The following ESRRB variants were observed in gnomAD, a reference collection of about 807,000 sequenced individuals.
ESRRB encodes the protein estrogen related receptor beta.
In ESRRB, 16 loss-of-function variants were observed where a neutral mutation model predicts 46.0. The ratio of observed to expected loss-of-function variants is 0.35; its 90% confidence interval spans 0.24 to 0.53. The LOEUF (loss-of-function observed/expected upper bound fraction) is 0.53. Among genes scored for constraint, ESRRB ranks in the 20% least tolerant of loss-of-function variants. The pLI is 0.93. For synonymous variants in ESRRB, 246 were observed against 259.6 expected (o/e 0.95, Z 0.50); for missense variants, 488 against 607.4 (o/e 0.80, Z 2.07).
intron 2 of ESRRB, among the ~76,000 whole-genome samples, chr14:76,456,038 GCA>G (rs60824171): frequency 0.13 from 17,543 of 136,974 alleles, 1,026 homozygotes; most frequent in South Asian, 0.14. Context: ...AGCGAAACTC[GCA>G]CACACACACA....
At chr14:76,493,827 C>A (rs1471258262) in intron 6 of ESRRB, among the ~76,000 whole-genome samples, 1 of 152,234 alleles carries the variant, frequency 6.6e-6, no homozygotes, top group Non-Finnish European at 1.5e-5. Flanking sequence ...CCCCTAGCTG[C>A]TAACAGTTCA....
At chr14:76,379,483 A>G (rs569704381) in intron 1 of ESRRB, among the ~76,000 whole-genome samples, 1 of 152,330 alleles carries the variant, frequency 6.6e-6, no homozygotes, top group African/African-American at 2.4e-5. Context: ...CCCGGAGAAA[A>G]ACAAAGGGGG....
intron 1 of ESRRB, among the ~76,000 whole-genome samples, chr14:76,348,698 T>A (rs912238594): frequency 6.6e-6 from 1 of 152,222 alleles, no homozygotes; most frequent in East Asian, 1.9e-4. Context: ...CATATTTTAT[T>A]TATTTCCTTT....
At chr14:76,434,600 C>T (rs1247208691) in intron 1 of ESRRB, among the ~76,000 whole-genome samples, 2 of 150,392 alleles carry the variant, frequency 1.3e-5, no homozygotes, top group Non-Finnish European at 2.9e-5. Context: ...GCAGAGGTTG[C>T]AGTGAGCCAA....
In ESRRB at chr14:76,499,137, C is replaced by A; in HGVS notation, c.*679C>A. On this transcript the variant is annotated 3_prime_UTR_variant, in exon 7 of 7. Coordinates refer to ENST00000644823, the MANE Select transcript of ESRRB (RefSeq NM_001379180.1). ...ACCGCGCCGGTGTCCACCTGTCCTCCTCCTCTTCTCCTCCCCCCGGGAGTC... is the reference window on the plus strand; with the variant it reads ...ACCGCGCCGGTGTCCACCTGTCCTCATCCTCTTCTCCTCCCCCCGGGAGTC... 1 of 317,308 alleles carries A rather than the reference C, an allele frequency of 3.2e-6. No individual in the cohort carries two copies. Among genetic ancestry groups the A allele is most frequent in the Non-Finnish European group, 6.1e-6 (1 of 163,334 alleles). The allele number at this position is 317,308 out of a possible 1,614,324, so 19.7% of individuals were successfully genotyped here.
chr14:76,314,568 T>G (rs79656545), intron 1 of ESRRB, among the ~76,000 whole-genome samples: 20,410 of 152,024 alleles, frequency 0.13, 1,624 homozygotes, highest in African/African-American at 0.22. Flanking sequence ...CCAATTAACA[T>G]CTCCACAGGA....
intron 1 of ESRRB, among the ~76,000 whole-genome samples, chr14:76,419,971 G>C (rs1886871962): frequency 6.6e-6 from 1 of 152,166 alleles, no homozygotes; most frequent in African/African-American, 2.4e-5. Context: ...CTGGGGTTCG[G>C]CTAGGGGTCT....
At chr14:76,314,367 G>A (rs1260801918) in intron 1 of ESRRB, among the ~76,000 whole-genome samples, 1 of 152,154 alleles carries the variant, frequency 6.6e-6, no homozygotes, top group Non-Finnish European at 1.5e-5. Context: ...TGGAGGGGCT[G>A]TGTGCCTTCA....
At chr14:76,371,004 G>C (rs777990284), upstream of ESRRB, among the ~76,000 whole-genome samples, 1 of 152,178 alleles carries the variant, frequency 6.6e-6, no homozygotes, top group Non-Finnish European at 1.5e-5. Flanking sequence ...TTCAGATAAC[G>C]AAATGGATGA....
At chr14:76,406,650 C>T (rs1337950204) in intron 1 of ESRRB, among the ~76,000 whole-genome samples, 1 of 152,156 alleles carries the variant, frequency 6.6e-6, no homozygotes, top group Non-Finnish European at 1.5e-5. Flanking sequence ...GAGGCTGAAG[C>T]AGGAGAATTG....
At chr14:76,461,309 T>C (rs1888849338) in intron 2 of ESRRB, among the ~76,000 whole-genome samples, 1 of 152,144 alleles carries the variant, frequency 6.6e-6, no homozygotes, top group Non-Finnish European at 1.5e-5. Context: ...GGAATTGCTA[T>C]TGGGAGGGGA....
intron 1 of ESRRB, among the ~76,000 whole-genome samples, chr14:76,413,634 G>A (rs765222458): frequency 6.6e-6 from 1 of 152,114 alleles, no homozygotes; most frequent in African/African-American, 2.4e-5. Context: ...ATCCTTCATT[G>A]TCCAGTGACT....
chr14:76,339,636 G>A (rs1404579823), intron 1 of ESRRB, among the ~76,000 whole-genome samples: 1 of 152,140 alleles, frequency 6.6e-6, no homozygotes, highest in Non-Finnish European at 1.5e-5. Context: ...CAATTCTCTG[G>A]ACAGAGAAAG....
chr14:76,312,879 AAAATGCCTTTTAGTACAAGAAC>A (rs1883755422), intron 1 of ESRRB, among the ~76,000 whole-genome samples: 1 of 152,132 alleles, frequency 6.6e-6, no homozygotes, highest in Admixed American at 6.6e-5. Context: ...GTGGCTTTTA[AAAATGCCTTTTAGTACAAGAAC>A]AAATTCTACC....
intron 1 of ESRRB, among the ~76,000 whole-genome samples, chr14:76,342,417 A>G (rs912740145): frequency 1.3e-5 from 2 of 152,200 alleles, no homozygotes; most frequent in African/African-American, 4.8e-5. Context: ...AAGCCCACTG[A>G]GCCCTCAGAC....
chr14:76,452,516 A>T (rs1297061456), intron 2 of ESRRB, among the ~76,000 whole-genome samples: 1 of 151,382 alleles, frequency 6.6e-6, no homozygotes, highest in African/African-American at 2.4e-5. Context: ...GCTACTTGGG[A>T]GGCTGAGGCT....
rs1247435342 is a variant in ESRRB at position 76,469,950 on chromosome 14, T to C, written c.577+7289T>C. Reference sequence around the variant, plus strand: ...TGTTGTTTTTTTTTTTTTTCTTTTTTTTTTTTTTTTTTTTTGAGACAGAGT... The same window carrying C: ...TGTTGTTTTTTTTTTTTTTCTTTTTCTTTTTTTTTTTTTTTGAGACAGAGT... On this transcript the variant is annotated intron_variant, in intron 3 of 6. Transcript: ENST00000644823. 3.9e-4 allele frequency among the ~76,000 whole-genome samples: 52 copies of C among 132,892 alleles called. No individual in the cohort carries two copies. In the East Asian group the frequency reaches 4.1e-3, roughly 11 times the overall value. The allele number at this position is 132,892 out of a possible 152,430, so 87.2% of individuals were successfully genotyped here. A position where few individuals can be genotyped will look rare whatever the true frequency, so the allele number is the denominator to read the frequency against.
chr14:76,436,237 A>C (rs532604435), intron 1 of ESRRB, among the ~76,000 whole-genome samples: 32 of 152,328 alleles, frequency 2.1e-4, no homozygotes, highest in African/African-American at 6.3e-4. Context: ...GCAGGGAGGC[A>C]GTTGGGAAAA....
At chr14:76,397,652 C>A (rs1229234345) in intron 1 of ESRRB, among the ~76,000 whole-genome samples, 1 of 152,156 alleles carries the variant, frequency 6.6e-6, no homozygotes, top group Non-Finnish European at 1.5e-5. Context: ...TGCTTCTAAT[C>A]CCAGCACTTT....
Sources: gnomAD v4.1 joint callset for allele counts (sites outside exome capture counted in the v4.1 genomes callset) on GRCh38, gnomAD v4.1.1 for gene constraint, MANE v1.5 for transcripts, NCBI Gene and HGNC (gene_info 2026-07-23, HGNC 2026-07-21) for gene names.